Variants in FRMPD4 observed in about 807,000 individuals in gnomAD.
FRMPD4 encodes FERM and PDZ domain containing 4.
A neutral mutation model predicts 94.1 loss-of-function variants in FRMPD4; 22 were observed. The ratio of observed to expected loss-of-function variants is 0.23; its 90% CI spans 0.17 to 0.33. The LOEUF is 0.33. Among genes scored for constraint, FRMPD4 ranks in the 10% least tolerant of loss-of-function variants. The pLI is 1.00. For synonymous variants in FRMPD4, 631 were observed against 548.6 expected (o/e 1.15, Z -2.10); for missense variants, 1,111 against 1,339.9 (o/e 0.83, Z 2.67).
At chrX:12,109,454 G>A (rs939386425) in intron 3 of FRMPD4, among the ~76,000 whole-genome samples, 7 of 111,933 alleles carry the variant, frequency 6.3e-5, no homozygotes, top group African/African-American at 2.3e-4. Flanking sequence ...AGCACTAAAT[G>A]CCCACAAGAG....
chrX:12,430,593 A>G (rs188808232), intron 1 of FRMPD4, among the ~76,000 whole-genome samples: 2 of 112,202 alleles, frequency 1.8e-5, no homozygotes, highest in African/African-American at 6.5e-5. Context: ...GACAGGGTTC[A>G]TCTTAACGCC....
chrX:11,932,637 C>G (rs1229771617), intron 3 of FRMPD4, among the ~76,000 whole-genome samples: 2 of 108,794 alleles, frequency 1.8e-5, no homozygotes. Flanking sequence ...AAGTACTGTT[C>G]TACTGTTTGA....
At chrX:12,168,871 C>T (rs947407730) in intron 1 of FRMPD4, among the ~76,000 whole-genome samples, 8 of 111,313 alleles carry the variant, frequency 7.2e-5, no homozygotes, top group South Asian at 3.8e-4. Flanking sequence ...GTGATCTGCC[C>T]GCCTCGGCCT....
chrX:12,479,538 G>A (rs1201886550), intron 1 of FRMPD4, among the ~76,000 whole-genome samples: 2 of 104,692 alleles, frequency 1.9e-5, no homozygotes, highest in Admixed American at 2.1e-4. Context: ...GTCTCACTAT[G>A]TTACTCAGGC....
intron 1 of FRMPD4, among the ~76,000 whole-genome samples, chrX:12,488,805 GTAGTC>G (rs1433402755): frequency 9.0e-6 from 1 of 111,643 alleles, no homozygotes; most frequent in East Asian, 2.8e-4. Context: ...CTGAAATCAT[GTAGTC>G]TAGCCCCTTC....
At chrX:12,170,105 A>G (rs1474564475) in intron 1 of FRMPD4, among the ~76,000 whole-genome samples, 1 of 111,149 alleles carries the variant, frequency 9.0e-6, no homozygotes, top group East Asian at 2.8e-4. Context: ...ATTGCCTCCA[A>G]GATTTTCTTC....
intron 1 of FRMPD4, among the ~76,000 whole-genome samples, chrX:12,415,139 T>C (rs1474968973): frequency 9.0e-6 from 1 of 111,270 alleles, no homozygotes; most frequent in Non-Finnish European, 1.9e-5. Flanking sequence ...AGATGACATA[T>C]GTAACTCTTG....
At chrX:12,127,239 A>G (rs2055508134) in intron 3 of FRMPD4, among the ~76,000 whole-genome samples, 1 of 111,848 alleles carries the variant, frequency 8.9e-6, no homozygotes, top group African/African-American at 3.3e-5. Context: ...TCATGCTGCT[A>G]TGAAAAAATA....
intron 3 of FRMPD4, among the ~76,000 whole-genome samples, chrX:12,094,131 T>C (rs1022918918): frequency 8.9e-6 from 1 of 112,211 alleles, no homozygotes; most frequent in Admixed American, 9.5e-5. Context: ...GAATAATTAA[T>C]ATACTGCTGC....
At chrX:12,391,741 G>A (rs1359968705) in intron 1 of FRMPD4, among the ~76,000 whole-genome samples, 2 of 110,919 alleles carry the variant, frequency 1.8e-5, no homozygotes, top group Non-Finnish European at 3.8e-5. Flanking sequence ...CAGGGTTGAG[G>A]AGCTTCTGGA....
At chrX:12,507,501 T>C (rs2057998264) in intron 2 of FRMPD4, among the ~76,000 whole-genome samples, 1 of 112,497 alleles carries the variant, frequency 8.9e-6, no homozygotes. Context: ...ATCCCTACTC[T>C]AAAACATCAT....
chrX:12,076,327 C>CGTGTGTGTGTGTGTGTGTGTGTGTGT (rs34558552), intron 3 of FRMPD4, among the ~76,000 whole-genome samples: 2 of 98,129 alleles, frequency 2.0e-5, no homozygotes, highest in East Asian at 6.5e-4. Flanking sequence ...CCTAGCAAAA[C>CGTGTGTGTGTGTGTGTGTGTGTGTGT]GTGTGTGTGT....
chrX:12,181,753 G>A (rs948442212), intron 1 of FRMPD4, among the ~76,000 whole-genome samples: 4 of 111,291 alleles, frequency 3.6e-5, no homozygotes, highest in African/African-American at 1.3e-4. Flanking sequence ...CCGAGTGTGG[G>A]TCCTTCCAAG....
intron 1 of FRMPD4, among the ~76,000 whole-genome samples, chrX:12,278,444 A>G (rs939865779): frequency 8.9e-6 from 1 of 111,742 alleles, no homozygotes; most frequent in Non-Finnish European, 1.9e-5. Context: ...CATTCTGTGC[A>G]CTCATTTATT....
intron 1 of FRMPD4, among the ~76,000 whole-genome samples, chrX:12,446,949 G>C (rs1408682606): frequency 9.0e-6 from 1 of 111,392 alleles, no homozygotes; most frequent in Non-Finnish European, 1.9e-5. Flanking sequence ...GTGGTGAGGA[G>C]CGTGGGCAAT....
rs765705692 is a variant in FRMPD4, at chrX:12,108,427, T to C, written c.95+230409T>C. 1.2e-4 allele frequency among the ~76,000 whole-genome samples: 14 copies of C among 112,121 alleles called. 1 individual carries two copies. The highest frequency in any genetic ancestry group is 1.9e-5 in the Non-Finnish European group (1 of 53,259). The stretch of plus-strand genomic sequence containing the variant: ...CTACAAGAGCTCCTGAAGGAAGTAC[T>C]AAACATGGAAAGGAACAACCAGTAC... On this transcript the variant is annotated intron_variant, in intron 3 of 18. Coordinates refer to the FRMPD4 transcript ENST00000640291.
intron 1 of FRMPD4, among the ~76,000 whole-genome samples, chrX:12,494,267 C>T (rs775567505): frequency 2.7e-5 from 3 of 111,653 alleles, no homozygotes; most frequent in African/African-American, 9.8e-5. Context: ...AGGGGCTGTC[C>T]TGTGTGTTGT....
chrX:12,313,608 A>G (rs2055068913), intron 1 of FRMPD4, among the ~76,000 whole-genome samples: 1 of 112,643 alleles, frequency 8.9e-6, no homozygotes, highest in South Asian at 3.7e-4. Flanking sequence ...CTCAAGATCA[A>G]AGTTTTAGAG....
At chrX:12,443,479 A>G in intron 1 of FRMPD4, among the ~76,000 whole-genome samples, 1 of 112,122 alleles carries the variant, frequency 8.9e-6, no homozygotes, top group Non-Finnish European at 1.9e-5. Context: ...TTTTACACTC[A>G]CAGTACATCT....
Sources: allele counts gnomAD v4.1 joint callset (sites outside exome capture counted in the v4.1 genomes callset), GRCh38; gene constraint gnomAD v4.1.1; transcripts MANE v1.5; gene names NCBI Gene and HGNC (gene_info 2026-07-23, HGNC 2026-07-21).